TIAM1: variants seen among roughly 807,000 people sequenced by gnomAD.
TIAM1 encodes the protein TIAM Rac1 associated GEF 1, also known as rho guanine nucleotide exchange factor TIAM1.
In TIAM1, 65 loss-of-function variants were observed where a neutral mutation model predicts 163.5. The ratio of observed to expected loss-of-function variants is 0.40; its 90% CI spans 0.33 to 0.49. The LOEUF (loss-of-function observed/expected upper bound fraction) is 0.49, where lower values mean the gene tolerates loss of function less well. TIAM1 is among the 20% of genes least tolerant of loss of function. The probability of loss-of-function intolerance (pLI) is 0.77; values close to 1 mark genes in which losing one functional copy is unlikely to be tolerated. For synonymous variants in TIAM1, 833 were observed against 810.1 expected, an observed-to-expected ratio of 1.03 and a Z score of -0.48; for missense variants, 1,789 against 2,044.7, an observed-to-expected ratio of 0.87 and a Z score of 2.41.
intron 3 of TIAM1, among the ~76,000 whole-genome samples, chr21:31,274,205 A>T (rs2073189612): frequency 6.6e-6 from 1 of 150,524 alleles, no homozygotes; most frequent in African/African-American, 2.5e-5. Context: ...ATAGTGCGAG[A>T]CTCCTTCTCA....
rs116857821 is a variant in TIAM1, at chr21:31,354,267, T to C, written c.-368-14845A>G. On this transcript the variant is annotated intron_variant, in intron 2 of 28. Coordinates refer to the TIAM1 transcript ENST00000286827. ...CCTCATGCCCTCTTAAGGACAAATG[T>C]GGCAGGCAAGCAACATATTTTAGGG... 1.4e-3 allele frequency among the ~76,000 whole-genome samples: 207 copies of C among 152,272 alleles called. 1 individual carries two copies. In the East Asian group the frequency reaches 0.027, roughly 20 times the overall value.
chr21:31,536,755 AGAT>A (rs1020410910), intron 1 of TIAM1, among the ~76,000 whole-genome samples: 2 of 152,160 alleles, frequency 1.3e-5, no homozygotes, highest in African/African-American at 4.8e-5. Context: ...GCCACGGGGA[AGAT>A]GATGAATTCT....
intron 2 of TIAM1, among the ~76,000 whole-genome samples, chr21:31,290,641 T>C (rs920342904): frequency 1.2e-5 from 1 of 85,770 alleles, no homozygotes; most frequent in African/African-American, 5.6e-5. Flanking sequence ...AGCAAGACTC[T>C]ATCTCAAAAA....
At chr21:31,459,547 GC>G (rs1231099515) in intron 2 of TIAM1, among the ~76,000 whole-genome samples, 4 of 152,156 alleles carry the variant, frequency 2.6e-5, no homozygotes, top group Non-Finnish European at 5.9e-5. Context: ...AAGAGAAAAG[GC>G]CCCAGATGTT....
chr21:31,200,145 G>A (rs7276829), intron 12 of TIAM1, among the ~76,000 whole-genome samples: 26,678 of 152,034 alleles, frequency 0.18, 3,437 homozygotes, highest in East Asian at 0.4. Context: ...AACAGCTAGA[G>A]TAGTGCCAGG....
chr21:31,150,438 C>G (rs1218361873), intron 19 of TIAM1, among the ~76,000 whole-genome samples: 1 of 152,094 alleles, frequency 6.6e-6, no homozygotes, highest in Non-Finnish European at 1.5e-5. Flanking sequence ...ATGAACAGCT[C>G]ATTCTTAACA....
chr21:31,404,229 GGC>G (rs1402340192), intron 2 of TIAM1, among the ~76,000 whole-genome samples: 2 of 152,016 alleles, frequency 1.3e-5, no homozygotes, highest in African/African-American at 4.8e-5. Context: ...CCTCTGAAAA[GGC>G]AACAAAAAAG....
upstream of TIAM1, among the ~76,000 whole-genome samples, chr21:31,345,820 T>A (rs147691156): frequency 3.8e-3 from 572 of 152,124 alleles, 5 homozygotes; most frequent in African/African-American, 0.013. Flanking sequence ...CACGGTGGTG[T>A]GTGCCTGTAA....
intron 1 of TIAM1, among the ~76,000 whole-genome samples, chr21:31,340,346 C>T (rs1277709283): frequency 2.0e-5 from 3 of 151,974 alleles, no homozygotes; most frequent in African/African-American, 7.3e-5. Flanking sequence ...ACCAGCCAAG[C>T]TCCTCTGTCC....
intron 1 of TIAM1, 110 bp from the exon 2 acceptor site, chr21:31,339,532 C>G: frequency 1.0e-5 from 4 of 396,696 alleles, no homozygotes; most frequent in African/African-American, 2.1e-5. Flanking sequence ...AGGAAAAGTA[C>G]CTTACATGTT....
intron 15 of TIAM1, among the ~76,000 whole-genome samples, chr21:31,173,135 G>A (rs1422800450): frequency 6.6e-6 from 1 of 152,108 alleles, no homozygotes; most frequent in East Asian, 1.9e-4. Flanking sequence ...TTTCATTCAA[G>A]TCCATGTGGG....
chr21:31,493,439 T>C (rs1264432251), intron 1 of TIAM1, among the ~76,000 whole-genome samples: 37 of 152,054 alleles, frequency 2.4e-4, no homozygotes, highest in Non-Finnish European at 1.3e-4. Context: ...GCATCGGAAA[T>C]GGAAACCAAA....
At chr21:31,196,619 T>C (rs1245229992) in intron 12 of TIAM1, among the ~76,000 whole-genome samples, 1 of 151,996 alleles carries the variant, frequency 6.6e-6, no homozygotes, top group African/African-American at 2.4e-5. Context: ...CATGCCCGGC[T>C]GAGAAGGAAA....
chr21:31,500,992 C>G (rs1468013511), intron 1 of TIAM1, among the ~76,000 whole-genome samples: 1 of 152,222 alleles, frequency 6.6e-6, no homozygotes, highest in African/African-American at 2.4e-5. Context: ...ACAAAGGCAA[C>G]TAATAAATAA....
intron 5 of TIAM1, among the ~76,000 whole-genome samples, chr21:31,248,000 C>G (rs886863425): frequency 2.6e-5 from 4 of 152,118 alleles, no homozygotes; most frequent in Non-Finnish European, 5.9e-5. Flanking sequence ...GTTGTCACAA[C>G]TTGGGGGAAG....
intron 1 of TIAM1, among the ~76,000 whole-genome samples, chr21:31,550,908 T>A (rs1038970670): frequency 3.9e-5 from 6 of 152,152 alleles, no homozygotes; most frequent in African/African-American, 1.4e-4. Context: ...GACTGAAGAA[T>A]AATCAATTCA....
intron 1 of TIAM1, among the ~76,000 whole-genome samples, chr21:31,468,800 A>T (rs2045628959): frequency 6.6e-6 from 1 of 152,062 alleles, no homozygotes; most frequent in Non-Finnish European, 1.5e-5. Flanking sequence ...TAGAAGGGCG[A>T]CGTGCTAAAT....
At chr21:31,525,367 CAAAA>C (rs200283424) in intron 1 of TIAM1, among the ~76,000 whole-genome samples, 20 of 101,690 alleles carry the variant, frequency 2.0e-4, no homozygotes, top group African/African-American at 7.3e-4. Flanking sequence ...GACTCCGTCT[CAAAA>C]AAAAAAAAAA....
At chr21:31,255,109 T>G (rs141190100) in intron 4 of TIAM1, among the ~76,000 whole-genome samples, 1 of 152,294 alleles carries the variant, frequency 6.6e-6, no homozygotes, top group African/African-American at 2.4e-5. Context: ...GGACAACCAC[T>G]AAACCAAGCA....
Sources: allele counts gnomAD v4.1 joint callset (sites outside exome capture counted in the v4.1 genomes callset), GRCh38; gene constraint gnomAD v4.1.1; transcripts MANE v1.5; gene names NCBI Gene and HGNC (gene_info 2026-07-23, HGNC 2026-07-21).